The following GRM4 variants were observed in gnomAD, a reference collection of about 807,000 sequenced individuals.
GRM4 encodes metabotropic glutamate receptor 4.
A neutral mutation model predicts 81.7 loss-of-function variants in GRM4; 28 were observed. The observed-to-expected ratio is 0.34, with a 90% CI of 0.25 to 0.47. The LOEUF (loss-of-function observed/expected upper bound fraction) is 0.47, where lower values mean the gene tolerates loss of function less well. GRM4 is among the 20% of genes least tolerant of loss of function. The pLI is 1.00. For synonymous variants in GRM4, 488 were observed against 528.8 expected (o/e 0.92, Z 1.06); for missense variants, 948 against 1,290.0 (o/e 0.73, Z 4.06).
chr6:34,070,191 C>T lies in GRM4; in HGVS notation c.737-8163G>A, dbSNP rs146836095. Among the ~76,000 whole-genome samples the T allele has an allele frequency of 0.01, 1,537 of 152,254 alleles. 13 individuals carry two copies. The highest frequency in any genetic ancestry group is 0.018 in the South Asian group (87 of 4,820). ...CTGAGCTGCCACCTCCTTACATGCA[C>T]AGCCACTGGACACCCCATTTGAGCC... is the stretch of plus-strand genomic sequence containing the variant. On this transcript the variant is annotated intron_variant, in intron 3 of 10. Transcript: ENST00000538487. This position sits in a 1 kb window ranked among gnomAD's most constrained non-coding sequence, Gnocchi z 4.6.
intron 3 of GRM4, among the ~76,000 whole-genome samples, chr6:34,067,963 T>C (rs1380964158): frequency 6.6e-6 from 1 of 152,150 alleles, no homozygotes; most frequent in Non-Finnish European, 1.5e-5. Context: ...GCCACCACTT[T>C]CCCTTCGTGG....
chr6:34,155,035 C>T (rs1014269156), intron 1 of GRM4: 5 of 1,420,630 alleles, frequency 3.5e-6, no homozygotes, highest in African/African-American at 1.4e-5. Flanking sequence ...ACCTCCCCGT[C>T]CCACGCCCGG....
At chr6:34,119,107 A>T (rs1219107975) in intron 2 of GRM4, among the ~76,000 whole-genome samples, 1 of 152,232 alleles carries the variant, frequency 6.6e-6, no homozygotes, top group Admixed American at 6.5e-5. Context: ...AAAGAAACAG[A>T]TGATGAGGCC....
chr6:34,117,392 G>A (rs1769641372), intron 2 of GRM4, among the ~76,000 whole-genome samples: 1 of 152,186 alleles, frequency 6.6e-6, no homozygotes, highest in South Asian at 2.1e-4. Context: ...GAGAGCCTCA[G>A]GGGTATCTGC....
chr6:34,035,763 CATT>C lies in GRM4; in HGVS notation c.2344_2346del (p.Asn782del), dbSNP rs1404213413. 6.2e-7 allele frequency: 1 copy of C among 1,613,394 alleles called. No individual in the cohort carries two copies. Among genetic ancestry groups the C allele is most frequent in the Non-Finnish European group, 8.5e-7 (1 of 1,179,378 alleles). On this transcript the variant is annotated inframe_deletion, in exon 9 of 11. Coordinates refer to ENST00000538487, the MANE Select transcript of GRM4 (RefSeq NM_000841.4). This position sits in a 1 kb window ranked among gnomAD's most constrained non-coding sequence, Gnocchi z 6.6. ...ATGGTGAAGCCAATGGGCTTGGCCTCATTGAAGGTCTCGGGCACGCCGCGTGTC... is the reference window on the plus strand; with the variant it reads ...ATGGTGAAGCCAATGGGCTTGGCCTCGAAGGTCTCGGGCACGCCGCGTGTC...
intron 3 of GRM4, among the ~76,000 whole-genome samples, chr6:34,065,877 G>A (rs146644525): frequency 3.4e-3 from 518 of 152,294 alleles, no homozygotes; most frequent in South Asian, 6.0e-3. Context: ...ACCTTCAGAC[G>A]AGGCTCTCAC....
At chr6:34,117,074 G>A (rs930209637) in intron 2 of GRM4, among the ~76,000 whole-genome samples, 6 of 152,172 alleles carry the variant, frequency 3.9e-5, no homozygotes, top group South Asian at 2.1e-4. Context: ...GTTCTCTATC[G>A]GATACCGGCA....
At chr6:34,117,159 T>C (rs1362845436) in intron 2 of GRM4, among the ~76,000 whole-genome samples, 1 of 152,212 alleles carries the variant, frequency 6.6e-6, no homozygotes, top group East Asian at 1.9e-4. Flanking sequence ...TGTACCTCCA[T>C]TTTAAAGAAA....
In GRM4 at chr6:34,089,706, A is replaced by C. The variant is rs1026427610; in HGVS notation, c.736+2177T>G. 1.3e-5 allele frequency among the ~76,000 whole-genome samples: 2 copies of C among 152,204 alleles called. No homozygotes were observed. The highest frequency in any genetic ancestry group is 2.9e-5 in the Non-Finnish European group (2 of 68,024). ...GAAGTCCTTTTAAAAAATCTTGAGT[A>C]GACTTTATTTTTTCTAACCGCCCAA... On this transcript the variant is annotated intron_variant, in intron 3 of 10. Transcript: ENST00000538487. The surrounding 1 kb of genome is among the most constrained non-coding windows in gnomAD (Gnocchi z 4.3).
chr6:34,036,394 G>A lies in GRM4; in HGVS notation c.1716C>T (p.Gly572=), dbSNP rs534045258. ...GCTTGATGATGGGGATGGGCCGGCAGCCCGTGCGGTTCTCTGTGGGCCGCA... is the reference window on the plus strand; with the variant it reads ...GCTTGATGATGGGGATGGGCCGGCAACCCGTGCGGTTCTCTGTGGGCCGCA... ...YDMRPTENRT[G]CRPIPIIKLE... is the part of the protein sequence containing the mutation. Residue 572 remains glycine, a synonymous_variant, in exon 9 of 11, where the codon GGC becomes GGT. Coordinates refer to ENST00000538487, the MANE Select transcript of GRM4 (RefSeq NM_000841.4). This position sits in a 1 kb window ranked among gnomAD's most constrained non-coding sequence, Gnocchi z 9.0. 1.2e-6 allele frequency: 2 copies of A among 1,612,186 alleles called. No homozygotes were observed. Among genetic ancestry groups the A allele is most frequent in the Admixed American group, 3.3e-5 (2 of 59,990 alleles).
chr6:34,147,968 T>C (rs1315137330), upstream of GRM4, among the ~76,000 whole-genome samples: 2 of 152,122 alleles, frequency 1.3e-5, no homozygotes, highest in Non-Finnish European at 1.5e-5. Flanking sequence ...CCATGGTTTA[T>C]TGAGAGATAA....
rs370367230 is a variant in GRM4, at chr6:34,028,375, G to C, written c.2443-9C>G. Reference sequence around the variant, plus strand: ...GTCGTCTGGATGTACAGCTGGCGGAGGGCACGGTGGCGTCAGAGCAGGCTC... The same window carrying C: ...GTCGTCTGGATGTACAGCTGGCGGACGGCACGGTGGCGTCAGAGCAGGCTC... On this transcript the variant is annotated splice_polypyrimidine_tract_variant and intron_variant, in intron 9 of 10. Coordinates refer to ENST00000538487, the MANE Select transcript of GRM4 (RefSeq NM_000841.4). 1,002 of 1,606,408 alleles carry C rather than the reference G, an allele frequency of 6.2e-4. 2 individuals carry two copies. The highest frequency in any genetic ancestry group is 7.9e-4 in the Non-Finnish European group (932 of 1,178,980).
chr6:34,039,117 C>A (rs1049953771), intron 8 of GRM4, among the ~76,000 whole-genome samples: 1 of 152,208 alleles, frequency 6.6e-6, no homozygotes, highest in African/African-American at 2.4e-5. Flanking sequence ...CATCGCTCTC[C>A]ACACAGCAAT....
intron 10 of GRM4, among the ~76,000 whole-genome samples, chr6:34,025,956 C>T (rs1764111492): frequency 6.6e-6 from 1 of 152,168 alleles, no homozygotes. Context: ...GGAGCACCCT[C>T]AGTGTGAGGG....
intron 2 of GRM4, chr6:34,110,680 A>G (rs1330027337): frequency 6.7e-7 from 1 of 1,501,704 alleles, no homozygotes; most frequent in Admixed American, 2.0e-5. Context: ...ATGTCTCTCC[A>G]GGAGCGTGTG....
chr6:34,146,275 C>T (rs1324352988), upstream of GRM4: 1 of 341,988 alleles, frequency 2.9e-6, no homozygotes, highest in Middle Eastern at 1.4e-3. Context: ...TGCCCCAGAT[C>T]TCACAGCCTG....
At chr6:34,149,145 C>T (rs975393250), upstream of GRM4, among the ~76,000 whole-genome samples, 4 of 152,162 alleles carry the variant, frequency 2.6e-5, no homozygotes, top group East Asian at 1.9e-4. Flanking sequence ...TCCCCCCCAA[C>T]CTTTTGAAAG....
intron 3 of GRM4, among the ~76,000 whole-genome samples, chr6:34,067,838 C>T (rs1054849699): frequency 1.6e-4 from 25 of 152,178 alleles, no homozygotes; most frequent in South Asian, 1.0e-3. Flanking sequence ...CCTGGAGCCA[C>T]ACCCCCACCG....
intron 2 of GRM4, among the ~76,000 whole-genome samples, chr6:34,093,279 C>T (rs1768339021): frequency 1.3e-5 from 2 of 152,200 alleles, no homozygotes; most frequent in Non-Finnish European, 2.9e-5. Flanking sequence ...CCTAGTGTGT[C>T]CCTATCCCTG....
Sources: allele counts gnomAD v4.1 joint callset (sites outside exome capture counted in the v4.1 genomes callset), GRCh38; gene constraint gnomAD v4.1.1; non-coding constraint Gnocchi (gnomAD v3.1); transcripts MANE v1.5; gene names NCBI Gene and HGNC (gene_info 2026-07-23, HGNC 2026-07-21).